DTNA: variants seen among roughly 807,000 people sequenced by gnomAD.
DTNA encodes the protein dystrophin-related protein 3.
In DTNA, 43 loss-of-function variants were observed where a neutral mutation model predicts 100.7. The ratio of observed to expected loss-of-function variants is 0.43; its 90% CI spans 0.33 to 0.55. The LOEUF is 0.55. DTNA is among the 20% of genes least tolerant of loss of function. The pLI is 0.04. For missense variants in DTNA, 798 were observed against 953.9 expected (o/e 0.84, Z 2.15); for synonymous variants, 349 against 347.9 (o/e 1.00, Z -0.04).
At chr18:34,706,840 C>T (rs537423051), upstream of DTNA, among the ~76,000 whole-genome samples, 2 of 152,072 alleles carry the variant, frequency 1.3e-5, no homozygotes, top group Non-Finnish European at 2.9e-5. Context: ...AGATACTAAT[C>T]CGATTAATAT....
At chr18:34,614,982 C>T (rs1336808710) in intron 1 of DTNA, among the ~76,000 whole-genome samples, 1 of 152,192 alleles carries the variant, frequency 6.6e-6, no homozygotes, top group Non-Finnish European at 1.5e-5. Context: ...ATTAATGCAG[C>T]AAACATCATT....
chr18:34,503,472 A>G (rs1414251509), intron 1 of DTNA, among the ~76,000 whole-genome samples: 1 of 151,466 alleles, frequency 6.6e-6, no homozygotes, highest in Non-Finnish European at 1.5e-5. Context: ...TATTTTTAGT[A>G]GAGACAGGGT....
At chr18:34,693,746 CTGTGTGTGTGTGTGTGTG>C (rs34072179) in intron 1 of DTNA, among the ~76,000 whole-genome samples, 1 of 143,110 alleles carries the variant, frequency 7.0e-6, no homozygotes, top group African/African-American at 2.6e-5. Context: ...CTTGTGTGCA[CTGTGTGTGTGTGTGTGTG>C]TGTGTGTGTG....
At chr18:34,697,663 G>A (rs543634857) in intron 1 of DTNA, among the ~76,000 whole-genome samples, 188 of 152,268 alleles carry the variant, frequency 1.2e-3, no homozygotes, top group Middle Eastern at 3.4e-3. Flanking sequence ...ATTGTGCACC[G>A]GGGATTTGAT....
chr18:34,642,150 C>T (rs1227049070), intron 1 of DTNA, among the ~76,000 whole-genome samples: 1 of 152,196 alleles, frequency 6.6e-6, no homozygotes, highest in Non-Finnish European at 1.5e-5. Context: ...CCCAAAGCAG[C>T]AGAGAGTCTG....
At chr18:34,622,735 C>A (rs1316022156) in intron 1 of DTNA, among the ~76,000 whole-genome samples, 1 of 152,150 alleles carries the variant, frequency 6.6e-6, no homozygotes, top group Admixed American at 6.5e-5. Flanking sequence ...TTTAGACTTA[C>A]GTTATTCCTC....
rs144753343 is a variant in DTNA at position 34,718,740 on chromosome 18, A to T, written c.-2+8295A>T. On this transcript the variant is annotated intron_variant, in intron 1 of 22. Transcript: ENST00000444659. ...GGTATTACTGAAGAGTATGGGCATT[A>T]GTCTGACTGTAAGGAGGACTTTGGC... Among the ~76,000 whole-genome samples the T allele has an allele frequency of 3.5e-3, 540 of 152,330 alleles. 3 individuals carry two copies. The highest frequency in any genetic ancestry group is 4.8e-3 in the Non-Finnish European group (326 of 68,036).
chr18:34,868,609 T>TG, intron 17 of DTNA: 1 of 985,460 alleles, frequency 1.0e-6, no homozygotes, highest in Non-Finnish European at 1.2e-6. Flanking sequence ...AACCTCTACT[T>TG]GCTTTATCAT....
chr18:34,759,203 A>G (rs7241893), intron 2 of DTNA, among the ~76,000 whole-genome samples: 140,364 of 152,252 alleles, frequency 0.92, 64,784 homozygotes, highest in East Asian at 1. Flanking sequence ...AAATATAAAC[A>G]TCATCCTCAC....
At position 34,640,601 on chromosome 18, in the gene DTNA, G is replaced by T. The variant is rs558679444; in HGVS notation, c.-1-115375G>T. 9.8e-5 allele frequency among the ~76,000 whole-genome samples: 15 copies of T among 152,288 alleles called. No homozygotes were observed. The East Asian group carries it at 2.9e-3, about 29-fold the overall frequency. On this transcript the variant is annotated intron_variant, in intron 1 of 19. Transcript: ENST00000283365. ...CAACTGTAATTCAGACCACATGCTA[G>T]GTACAGATACCCCTTGATAGTCCTA...
chr18:34,585,327 G>A (rs1434059198), intron 1 of DTNA, among the ~76,000 whole-genome samples: 1 of 152,078 alleles, frequency 6.6e-6, no homozygotes, highest in Non-Finnish European at 1.5e-5. Context: ...TGGAGAGTTT[G>A]AGGAAATATA....
At chr18:34,503,759 T>C (rs2040199244) in intron 1 of DTNA, among the ~76,000 whole-genome samples, 1 of 152,224 alleles carries the variant, frequency 6.6e-6, no homozygotes. Context: ...CATCCTGTTA[T>C]TTACTTGAGC....
chr18:34,630,789 A>G (rs1024942534), intron 1 of DTNA, among the ~76,000 whole-genome samples: 2 of 152,072 alleles, frequency 1.3e-5, no homozygotes, highest in East Asian at 1.9e-4. Flanking sequence ...GATAAATTTC[A>G]GGTATTATTA....
intron 14 of DTNA, among the ~76,000 whole-genome samples, 194 bp downstream of exon 14, chr18:34,848,577 C>T (rs1011099489): frequency 6.6e-6 from 1 of 151,992 alleles, no homozygotes; most frequent in Non-Finnish European, 1.5e-5. Flanking sequence ...ACTTGAGGAA[C>T]AAAACCATCC....
chr18:34,654,837 C>T (rs2074127694), intron 1 of DTNA, among the ~76,000 whole-genome samples: 1 of 151,998 alleles, frequency 6.6e-6, no homozygotes, highest in African/African-American at 2.4e-5. Context: ...AGCGATTCTC[C>T]TGCCTCAGCC....
intron 1 of DTNA, among the ~76,000 whole-genome samples, chr18:34,536,066 G>A (rs2043679827): frequency 6.6e-6 from 1 of 151,950 alleles, no homozygotes; most frequent in African/African-American, 2.4e-5. Context: ...AAAATAAGGT[G>A]TAAAATACAT....
At chr18:34,675,472 A>G (rs116006159) in intron 1 of DTNA, among the ~76,000 whole-genome samples, 1 of 152,138 alleles carries the variant, frequency 6.6e-6, no homozygotes, top group Admixed American at 6.6e-5. Flanking sequence ...ATAATCATGA[A>G]TTCTTCAGAT....
chr18:34,561,104 T>C (rs2046594454), intron 1 of DTNA, among the ~76,000 whole-genome samples: 1 of 152,212 alleles, frequency 6.6e-6, no homozygotes, highest in Admixed American at 6.5e-5. Flanking sequence ...TGGCATTTGA[T>C]AGTGAAGAGG....
At chr18:34,860,243 T>G (rs1255275047) in intron 16 of DTNA, among the ~76,000 whole-genome samples, 7 of 141,058 alleles carry the variant, frequency 5.0e-5, no homozygotes, top group Admixed American at 7.0e-5. Flanking sequence ...TTTTTTTTTT[T>G]TTTTTTGGAG....
Sources: allele counts gnomAD v4.1 joint callset (sites outside exome capture counted in the v4.1 genomes callset), GRCh38; gene constraint gnomAD v4.1.1; transcripts MANE v1.5; gene names NCBI Gene and HGNC (gene_info 2026-07-23, HGNC 2026-07-21).